Variants in CAMKMT observed in about 807,000 individuals in gnomAD.
CAMKMT encodes the protein calmodulin-lysine N-methyltransferase.
In CAMKMT, 53 loss-of-function variants were observed where a neutral mutation model predicts 48.0. That is an observed-to-expected ratio of 1.10 (90% CI 0.89 to 1.39). The LOEUF (loss-of-function observed/expected upper bound fraction) is 1.39. Among genes scored for constraint, CAMKMT ranks in the 40% most tolerant of loss-of-function variants. The pLI is 0.00. For missense variants in CAMKMT, 428 were observed against 402.7 expected (o/e 1.06, Z -0.54); for synonymous variants, 165 against 152.3 (o/e 1.08, Z -0.61).
chr2:44,425,237 A>T (rs1340039966), intron 3 of CAMKMT, among the ~76,000 whole-genome samples: 1 of 152,220 alleles, frequency 6.6e-6, no homozygotes, highest in Non-Finnish European at 1.5e-5. Context: ...TGAATAAAAC[A>T]TTATCTTATC....
Position 44,667,711 on chromosome 2 carries a change from C to T in CAMKMT, c.377-36572C>T, listed in dbSNP as rs541757715. On this transcript the variant is annotated intron_variant, in intron 3 of 10. Transcript: ENST00000378494. ...TTGTCATCACCAATAACCACACCAC[C>T]TCTGAAATCTCCAGGTCAAGCATCC... Among the ~76,000 whole-genome samples the T allele has an allele frequency of 1.2e-4, 18 of 152,314 alleles. 1 individual carries two copies. In the East Asian group the frequency reaches 3.5e-3, roughly 29 times the overall value.
intron 1 of CAMKMT, among the ~76,000 whole-genome samples, chr2:44,370,492 G>A (rs1679062369): frequency 6.6e-6 from 1 of 151,830 alleles, no homozygotes; most frequent in African/African-American, 2.4e-5. Flanking sequence ...TTTAATGTCT[G>A]CAGGATTTAT....
Position 44,554,774 on chromosome 2 carries a change from G to T in CAMKMT, c.377-149509G>T, listed in dbSNP as rs369505860. 5.9e-5 allele frequency among the ~76,000 whole-genome samples: 9 copies of T among 152,088 alleles called. No individual in the cohort carries two copies. In the East Asian group the frequency reaches 1.5e-3, roughly 26 times the overall value. ...GTCTGTAGGCCCAGCTATTTGGGAG[G>T]CTGAGGTGGGAGAATCGCTTGAGCC... On this transcript the variant is annotated intron_variant, in intron 3 of 10. Transcript: ENST00000378494.
chr2:44,430,671 C>G (rs1384483479), intron 3 of CAMKMT, among the ~76,000 whole-genome samples: 3 of 152,056 alleles, frequency 2.0e-5, no homozygotes, highest in Non-Finnish European at 4.4e-5. Context: ...TGCAATAAAA[C>G]TTCAATTCAT....
chr2:44,765,449 C>G (rs1257081560), intron 9 of CAMKMT, among the ~76,000 whole-genome samples: 5 of 151,826 alleles, frequency 3.3e-5, no homozygotes, highest in South Asian at 2.1e-4. Flanking sequence ...ATGATTCCCT[C>G]AAAACCTAAA....
chr2:44,397,407 G>A (rs1681953235), intron 3 of CAMKMT, among the ~76,000 whole-genome samples: 1 of 152,222 alleles, frequency 6.6e-6, no homozygotes, highest in African/African-American at 2.4e-5. Context: ...CTGATGGTAT[G>A]CAGCATGGCA....
At chr2:44,679,568 T>G (rs1314945395) in intron 3 of CAMKMT, among the ~76,000 whole-genome samples, 1 of 152,176 alleles carries the variant, frequency 6.6e-6, no homozygotes, top group Non-Finnish European at 1.5e-5. Flanking sequence ...GGCACGGAAG[T>G]TCCTATTTAA....
At chr2:44,680,648 T>G (rs1675963309) in intron 3 of CAMKMT, among the ~76,000 whole-genome samples, 1 of 152,180 alleles carries the variant, frequency 6.6e-6, no homozygotes, top group African/African-American at 2.4e-5. Context: ...TGATGCCACT[T>G]AATTCCCTAA....
At chr2:44,681,533 T>C (rs1676019137) in intron 3 of CAMKMT, among the ~76,000 whole-genome samples, 1 of 150,544 alleles carries the variant, frequency 6.6e-6, no homozygotes. Flanking sequence ...ATTAAAGCTC[T>C]TACCAGCTTT....
intron 3 of CAMKMT, among the ~76,000 whole-genome samples, chr2:44,399,714 T>C (rs1259423383): frequency 1.3e-5 from 2 of 152,098 alleles, no homozygotes; most frequent in Non-Finnish European, 2.9e-5. Context: ...CCTTCTGATT[T>C]CGTCATGATA....
intron 3 of CAMKMT, chr2:44,550,635 G>A (rs1041901744): frequency 6.6e-6 from 1 of 152,114 alleles, no homozygotes. Flanking sequence ...TCCATGTGGT[G>A]TGAGAGAAGT....
chr2:44,714,573 C>T (rs551322742), intron 6 of CAMKMT, among the ~76,000 whole-genome samples: 1 of 152,156 alleles, frequency 6.6e-6, no homozygotes, highest in Non-Finnish European at 1.5e-5. Flanking sequence ...CAAGTGTCAT[C>T]CTGCTGCTCC....
chr2:44,658,209 G>A (rs1341409486), intron 3 of CAMKMT, among the ~76,000 whole-genome samples: 1 of 152,186 alleles, frequency 6.6e-6, no homozygotes, highest in Non-Finnish European at 1.5e-5. Flanking sequence ...CAGCTTCCAT[G>A]TCTTCTAGTG....
chr2:44,636,502 T>C lies in CAMKMT; in HGVS notation c.377-67781T>C, dbSNP rs572810765. ...GTTACCAGTGTAACTTAGGTGCAGCTGAGAACCTGACTGGAATGGGACACA... is the reference window on the plus strand; with the variant it reads ...GTTACCAGTGTAACTTAGGTGCAGCCGAGAACCTGACTGGAATGGGACACA... On this transcript the variant is annotated intron_variant, in intron 3 of 10. Transcript: ENST00000378494. 4.6e-5 allele frequency among the ~76,000 whole-genome samples: 7 copies of C among 152,304 alleles called. No individual in the cohort carries two copies. In the South Asian group the frequency reaches 1.5e-3, roughly 32 times the overall value.
intron 3 of CAMKMT, among the ~76,000 whole-genome samples, chr2:44,410,059 G>A (rs1327773510): frequency 6.6e-6 from 1 of 151,496 alleles, no homozygotes; most frequent in African/African-American, 2.4e-5. Flanking sequence ...TTTTTAGTAT[G>A]TTTTCTTTAT....
chr2:44,535,182 A>G (rs1359692362), intron 3 of CAMKMT, among the ~76,000 whole-genome samples: 1 of 152,204 alleles, frequency 6.6e-6, no homozygotes, highest in Non-Finnish European at 1.5e-5. Flanking sequence ...ACAACCTACC[A>G]AGATTGAATC....
intron 3 of CAMKMT, among the ~76,000 whole-genome samples, chr2:44,455,826 T>C (rs1194375882): frequency 6.6e-6 from 1 of 152,234 alleles, no homozygotes; most frequent in East Asian, 1.9e-4. Flanking sequence ...TGTTGTTGTT[T>C]TAGAATTCAT....
At chr2:44,370,213 GTTGT>G (rs1343263280) in intron 1 of CAMKMT, among the ~76,000 whole-genome samples, 1 of 152,184 alleles carries the variant, frequency 6.6e-6, no homozygotes, top group Admixed American at 6.5e-5. Flanking sequence ...ATCCCATAGT[GTTGT>G]TTGAGTATTT....
intron 3 of CAMKMT, among the ~76,000 whole-genome samples, chr2:44,658,488 A>AT (rs539269176): frequency 2.0e-5 from 3 of 152,194 alleles, no homozygotes; most frequent in East Asian, 3.9e-4. Flanking sequence ...CCTCTGAAGA[A>AT]TTTTTTTACA....
Sources: allele counts gnomAD v4.1 joint callset (sites outside exome capture counted in the v4.1 genomes callset), GRCh38; gene constraint gnomAD v4.1.1; transcripts MANE v1.5; gene names NCBI Gene and HGNC (gene_info 2026-07-23, HGNC 2026-07-21).